Variants in ARHGAP26 observed in about 807,000 individuals in gnomAD.
ARHGAP26 encodes the protein rho GTPase-activating protein 26.
In ARHGAP26, 38 loss-of-function variants were observed where a neutral mutation model predicts 104.8. That is an observed-to-expected ratio of 0.36 (90% CI 0.28 to 0.48). The LOEUF (loss-of-function observed/expected upper bound fraction) is 0.48, where lower values mean the gene tolerates loss of function less well. Among genes scored for constraint, ARHGAP26 ranks in the 20% least tolerant of loss-of-function variants. The pLI is 0.99. For missense variants in ARHGAP26, 704 were observed against 947.9 expected (o/e 0.74, Z 3.38); for synonymous variants, 341 against 340.0 (o/e 1.00, Z -0.03).
intron 1 of ARHGAP26, among the ~76,000 whole-genome samples, chr5:142,823,231 T>G (rs938759051): frequency 1.3e-5 from 2 of 152,154 alleles, no homozygotes; most frequent in African/African-American, 4.8e-5. Context: ...CATGAGCATT[T>G]AATTCTCTTC....
intron 20 of ARHGAP26, among the ~76,000 whole-genome samples, chr5:143,171,854 C>T (rs1260771813): frequency 9.2e-5 from 14 of 152,226 alleles, no homozygotes; most frequent in Non-Finnish European, 1.5e-4. Context: ...CCAGCATCTA[C>T]TGATTACATT....
intron 19 of ARHGAP26, among the ~76,000 whole-genome samples, chr5:143,139,926 TA>T (rs1798320468): frequency 6.6e-6 from 1 of 152,214 alleles, no homozygotes. Flanking sequence ...CAAGGTCTTG[TA>T]CCTTATAGAT....
At chr5:143,060,893 G>C (rs1185365854) in intron 17 of ARHGAP26, among the ~76,000 whole-genome samples, 1 of 152,118 alleles carries the variant, frequency 6.6e-6, no homozygotes, top group African/African-American at 2.4e-5. Context: ...GAGGAATATG[G>C]ATTGGGATGT....
At chr5:142,996,077 A>C (rs1776336115) in intron 11 of ARHGAP26, among the ~76,000 whole-genome samples, 1 of 152,164 alleles carries the variant, frequency 6.6e-6, no homozygotes, top group Non-Finnish European at 1.5e-5. Context: ...GCATTAGGAG[A>C]AATACCTAAT....
At position 142,907,055 on chromosome 5, in the gene ARHGAP26, C is replaced by T. The variant is rs74752082; in HGVS notation, c.833-649C>T. Among the ~76,000 whole-genome samples the T allele has an allele frequency of 7.3e-3, 1,112 of 152,306 alleles. 7 individuals are homozygous for T. The highest frequency in any genetic ancestry group is 0.012 in the Admixed American group (181 of 15,302). On this transcript the variant is annotated intron_variant, in intron 8 of 22. Coordinates refer to ENST00000645722, the MANE Select transcript of ARHGAP26 (RefSeq NM_001135608.3). ...GCCAGAATACGACTGCATGGCACCT[C>T]CCTCTTGAGGTGACATACTAATCTT...
At chr5:143,174,641 A>G (rs2151149675) in intron 20 of ARHGAP26, among the ~76,000 whole-genome samples, 1 of 152,354 alleles carries the variant, frequency 6.6e-6, no homozygotes, top group South Asian at 2.1e-4. Context: ...CCCATCCCCT[A>G]AACAAGTTGA....
intron 1 of ARHGAP26, chr5:142,860,416 C>T (rs985490666): frequency 2.6e-5 from 4 of 152,176 alleles, no homozygotes; most frequent in Admixed American, 2.0e-4. Flanking sequence ...TGGGCAGAGC[C>T]TGTATTGGCA....
At chr5:142,929,096 C>A (rs564231955) in intron 10 of ARHGAP26, among the ~76,000 whole-genome samples, 1 of 152,148 alleles carries the variant, frequency 6.6e-6, no homozygotes, top group Non-Finnish European at 1.5e-5. Flanking sequence ...TGCTACCACG[C>A]CCAGCTAATT....
chr5:142,967,953 A>C (rs1162014566), intron 11 of ARHGAP26, among the ~76,000 whole-genome samples: 1 of 152,170 alleles, frequency 6.6e-6, no homozygotes, highest in East Asian at 1.9e-4. Context: ...GGCATTGTTC[A>C]AAGAAGGGCC....
At position 142,902,019 on chromosome 5, in the gene ARHGAP26, T is replaced by C. The variant is rs1317550986; in HGVS notation, c.682T>C (p.Leu228=). 1 of 1,613,834 alleles carries C rather than the reference T, an allele frequency of 6.2e-7. No homozygotes were observed. Among genetic ancestry groups the C allele is most frequent in the Non-Finnish European group, 8.5e-7 (1 of 1,179,742 alleles). The change falls in exon 7 of 23, where the codon TTA becomes CTA. Residue 228 remains leucine (L), a synonymous_variant. Coordinates refer to ENST00000645722, the MANE Select transcript of ARHGAP26 (RefSeq NM_001135608.3). ...GGATTTCGGGGACTTCAAGACACAG[T>C]TAACCATTAGCATACAGAACGTGAG... is the stretch of plus-strand genomic sequence containing the variant. ...AKDFGDFKTQ[L]TISIQNTRNR...
intron 1 of ARHGAP26, among the ~76,000 whole-genome samples, chr5:142,773,488 A>C (rs569190621): frequency 6.6e-6 from 1 of 152,154 alleles, no homozygotes; most frequent in African/African-American, 2.4e-5. Flanking sequence ...TATTACTTCC[A>C]CTTTATGAAT....
intron 14 of ARHGAP26, among the ~76,000 whole-genome samples, chr5:143,044,800 T>C (rs1783995214): frequency 6.6e-6 from 1 of 152,106 alleles, no homozygotes; most frequent in Admixed American, 6.5e-5. Flanking sequence ...TGGAAAGACA[T>C]GGAGGAGGAA....
intron 1 of ARHGAP26, among the ~76,000 whole-genome samples, chr5:142,831,122 CT>C (rs1361878252): frequency 6.6e-6 from 1 of 152,160 alleles, no homozygotes; most frequent in East Asian, 1.9e-4. Context: ...GTGTCTGTTT[CT>C]TTCTTGCTTT....
chr5:142,932,223 G>T (rs1032938723), intron 11 of ARHGAP26, 98 bp downstream of exon 11: 11 of 1,161,124 alleles, frequency 9.5e-6, no homozygotes, highest in African/African-American at 3.0e-5. Context: ...TAAAGCCTTG[G>T]GTTCTTGAAA....
chr5:143,189,988 A>G (rs948160878), intron 20 of ARHGAP26, among the ~76,000 whole-genome samples: 2 of 151,970 alleles, frequency 1.3e-5, no homozygotes, highest in African/African-American at 4.8e-5. Flanking sequence ...CCAGGCTCCT[A>G]ATAGCTAAGG....
chr5:143,178,832 G>T (rs1319317036), intron 20 of ARHGAP26, among the ~76,000 whole-genome samples: 4 of 151,950 alleles, frequency 2.6e-5, no homozygotes, highest in African/African-American at 9.7e-5. Flanking sequence ...GAAATCATCT[G>T]ACTCTAGGCT....
At chr5:142,987,134 A>C (rs1376865634) in intron 11 of ARHGAP26, among the ~76,000 whole-genome samples, 1 of 152,306 alleles carries the variant, frequency 6.6e-6, no homozygotes, top group East Asian at 1.9e-4. Context: ...TGAGCATAGA[A>C]TGTTCTTCCA....
chr5:142,861,777 C>CTT (rs143515205), intron 1 of ARHGAP26, among the ~76,000 whole-genome samples: 1 of 152,318 alleles, frequency 6.6e-6, no homozygotes, highest in African/African-American at 2.4e-5. Context: ...GCAGGTTTCC[C>CTT]TTTAGTGCCT....
chr5:143,202,077 GC>G (rs1333722765), intron 20 of ARHGAP26, among the ~76,000 whole-genome samples: 1 of 152,160 alleles, frequency 6.6e-6, no homozygotes, highest in Non-Finnish European at 1.5e-5. Flanking sequence ...CTAAGAACTT[GC>G]TTTATGAATC....
Sources: allele counts gnomAD v4.1 joint callset (sites outside exome capture counted in the v4.1 genomes callset), GRCh38; gene constraint gnomAD v4.1.1; transcripts MANE v1.5; gene names NCBI Gene and HGNC (gene_info 2026-07-23, HGNC 2026-07-21).